Variants in COL1A2 observed in about 807,000 individuals in gnomAD.
COL1A2 encodes collagen alpha-2(I) chain.
A neutral mutation model predicts 174.3 loss-of-function variants in COL1A2; 49 were observed. The ratio of observed to expected loss-of-function variants is 0.28; its 90% confidence interval spans 0.22 to 0.36. The LOEUF is 0.36. Among genes scored for constraint, COL1A2 ranks in the 10% least tolerant of loss-of-function variants. The pLI is 1.00. For synonymous variants in COL1A2, 655 were observed against 606.6 expected, an observed-to-expected ratio of 1.08 and a Z score of -1.17; for missense variants, 1,438 against 1,822.7, an observed-to-expected ratio of 0.79 and a Z score of 3.84.
chr7:94,426,379 T>G (rs1322831338), intron 45 of COL1A2, 44 bp from the exon 46 acceptor site: 1 of 1,525,422 alleles, frequency 6.6e-7, no homozygotes, highest in Non-Finnish European at 8.9e-7. Flanking sequence ...GAGTGCCATT[T>G]TTTTAAAACG....
intron 24 of COL1A2, 141 bp from the exon 25 acceptor site, chr7:94,412,443 G>GGATT (rs1791948104): frequency 4.2e-6 from 3 of 714,026 alleles, no homozygotes; most frequent in Non-Finnish European, 7.2e-6. Flanking sequence ...AAAGGAAAAT[G>GGATT]GATTCATAAT....
chr7:94,420,172 C>T lies in COL1A2; in HGVS notation c.2080-61C>T, dbSNP rs75324239. ...CTGTCCACCACTGTTCTCTCTCCCT[C>T]CCAGTTCTTTGAGCATCTATGTCAG... is the stretch of plus-strand genomic sequence containing the variant. On this transcript the variant is annotated intron_variant, in intron 34 of 51. Transcript: ENST00000297268. 1.2e-3 allele frequency: 1,884 copies of T among 1,607,274 alleles called. 15 individuals carry two copies. In the African/African-American group the frequency reaches 0.021, roughly 18 times the overall value.
chr7:94,430,023 TTTTTGG>T, intron 51 of COL1A2: 1 of 576,154 alleles, frequency 1.7e-6, no homozygotes, highest in Non-Finnish European at 3.1e-6. Context: ...GTTGTTGGTT[TTTTTGG>T]TTTGTTTGTT....
At chr7:94,403,347 A>T (rs142815440) in intron 6 of COL1A2, among the ~76,000 whole-genome samples, 2 of 152,342 alleles carry the variant, frequency 1.3e-5, no homozygotes, top group East Asian at 3.9e-4. Flanking sequence ...GCAATAAAGT[A>T]TTAAAATAAT....
At chr7:94,404,464 C>T (rs1277949806) in intron 6 of COL1A2, 92 bp from the exon 7 acceptor site, 4 of 1,326,796 alleles carry the variant, frequency 3.0e-6, no homozygotes, top group Non-Finnish European at 4.3e-6. Context: ...CAAACCACAA[C>T]AATGGCACTG....
Position 94,405,760 on chromosome 7 carries a change from G to T in COL1A2, c.540+34G>T, listed in dbSNP as rs191174282. ...ATTCTTTACTCAGAAGAGAGAAAAT[G>T]CCTATTAATTTTTGGAAAAAACTCA... On this transcript the variant is annotated intron_variant, in intron 11 of 51. Coordinates refer to ENST00000297268, the MANE Select transcript of COL1A2 (RefSeq NM_000089.4). 4.6e-4 allele frequency: 726 copies of T among 1,573,078 alleles called. 11 individuals are homozygous for T. The Admixed American group carries it at 0.012, about 25-fold the overall frequency.
rs1792389174 is a variant in COL1A2, at chr7:94,430,948, A to G, written c.*555A>G. 1 of 154,214 alleles carries G rather than the reference A, an allele frequency of 6.5e-6. No homozygotes were observed. 9.6% of individuals were successfully genotyped at this position (154,214 alleles called of 1,614,324 possible). The stretch of plus-strand genomic sequence containing the variant: ...AGAATTTGAGAAGAAATACTCCTGT[A>G]TTGAGTTGTATCGTGTGGTGTATTT... On this transcript the variant is annotated 3_prime_UTR_variant, in exon 52 of 52. Coordinates refer to ENST00000297268, the MANE Select transcript of COL1A2 (RefSeq NM_000089.4).
chr7:94,396,989 T>C (rs1412987609), intron 1 of COL1A2, among the ~76,000 whole-genome samples: 1 of 152,182 alleles, frequency 6.6e-6, no homozygotes, highest in South Asian at 2.1e-4. Context: ...GGGGGGATAG[T>C]ACTTTTGTTT....
intron 9 of COL1A2, 110 bp downstream of exon 9, chr7:94,405,002 A>G (rs943173420): frequency 7.8e-7 from 1 of 1,282,084 alleles, no homozygotes; most frequent in East Asian, 2.4e-5. Flanking sequence ...TATGCCTGAC[A>G]GAACTCTTAA....
intron 41 of COL1A2, 178 bp downstream of exon 41, chr7:94,424,621 C>A: frequency 1.6e-6 from 1 of 612,544 alleles, no homozygotes; most frequent in Non-Finnish European, 2.9e-6. Flanking sequence ...CTTACTTAGA[C>A]ACACACTATA....
chr7:94,402,815 C>G (rs1791714107), intron 6 of COL1A2, among the ~76,000 whole-genome samples: 1 of 152,108 alleles, frequency 6.6e-6, no homozygotes. Context: ...AGTGCTCTAT[C>G]TTCAAAAGAA....
chr7:94,426,891 A>G, intron 46 of COL1A2, 117 bp from the exon 47 acceptor site: 2 of 902,992 alleles, frequency 2.2e-6, no homozygotes, highest in Non-Finnish European at 3.5e-6. Flanking sequence ...TACATTTTCA[A>G]TTTTCTCAAT....
At chr7:94,417,510 C>T in intron 31 of COL1A2, 1 of 566,192 alleles carries the variant, frequency 1.8e-6, no homozygotes, top group Non-Finnish European at 3.2e-6. Context: ...CGCAGCTGTG[C>T]ACTCCCACTA....
intron 30 of COL1A2, among the ~76,000 whole-genome samples, chr7:94,415,758 T>C (rs570276222): frequency 6.6e-6 from 1 of 152,264 alleles, no homozygotes; most frequent in East Asian, 1.9e-4. Context: ...TTAACACATA[T>C]GTAGGAAGCT....
intron 38 of COL1A2, 96 bp from the exon 39 acceptor site, chr7:94,421,803 C>G: frequency 1.6e-6 from 1 of 623,728 alleles, no homozygotes; most frequent in Non-Finnish European, 2.5e-6. Context: ...TATTCCTGGT[C>G]ACATGTACTG....
At position 94,413,134 on chromosome 7, in the gene COL1A2, C is replaced by T. The variant is rs151256720; in HGVS notation, c.1555C>T (p.Arg519Trp). Residue 519 changes from arginine to tryptophan, a missense_variant and splice_region_variant, in exon 26 of 52, where the codon CGG becomes TGG. By Grantham distance (101) the Arg-to-Trp change is moderately radical (BLOSUM62 -3). Coordinates refer to ENST00000297268, the MANE Select transcript of COL1A2 (RefSeq NM_000089.4). ...AGGTCATGCTGGTCTTGCTGGTGCT[C>T]GGGTAGGTGCTAACTTGTGTACAGA... Reference protein sequence around the residue: ...DKGHAGLAGARGAPGPDGNNG... With the variant: ...DKGHAGLAGAWGAPGPDGNNG... The T allele has an allele frequency of 2.4e-5, 38 of 1,613,898 alleles. No individual in the cohort carries two copies. Among genetic ancestry groups the T allele is most frequent in the Middle Eastern group, 1.6e-4 (1 of 6,084 alleles).
chr7:94,407,756 G>T (rs1311687207), intron 12 of COL1A2, 91 bp from the exon 13 acceptor site: 8 of 1,150,910 alleles, frequency 7.0e-6, no homozygotes, highest in African/African-American at 1.5e-5. Flanking sequence ...TATATGAATG[G>T]TTCAAAGTAA....
At position 94,412,160 on chromosome 7, in the gene COL1A2, C is replaced by T. The variant is rs374089405; in HGVS notation, c.1404+39C>T. ...ATTTTCCATTATATTTTCAAGGACACTTATTGCACCCTTATCAAGTCTATT... is the reference window on the plus strand; with the variant it reads ...ATTTTCCATTATATTTTCAAGGACATTTATTGCACCCTTATCAAGTCTATT... On this transcript the variant is annotated intron_variant, in intron 24 of 51. Coordinates refer to ENST00000297268, the MANE Select transcript of COL1A2 (RefSeq NM_000089.4). 1.1e-5 allele frequency: 17 copies of T among 1,539,404 alleles called. 1 individual carries two copies. In the African/African-American group the frequency reaches 2.2e-4, roughly 20 times the overall value.
At chr7:94,395,779 ATGGATGCTACT>A (rs1791571382) in intron 1 of COL1A2, among the ~76,000 whole-genome samples, 1 of 152,208 alleles carries the variant, frequency 6.6e-6, no homozygotes, top group South Asian at 2.1e-4. Flanking sequence ...GGAAAGAAGA[ATGGATGCTACT>A]TGGAGTGGGT....
Sources: allele counts gnomAD v4.1 joint callset (sites outside exome capture counted in the v4.1 genomes callset), GRCh38; gene constraint gnomAD v4.1.1; transcripts MANE v1.5; gene names NCBI Gene and HGNC (gene_info 2026-07-23, HGNC 2026-07-21).